Variants in ZHX2 observed in about 807,000 individuals in gnomAD.
ZHX2 encodes the protein zinc fingers and homeoboxes 2.
Under a neutral mutation model 21.9 loss-of-function variants are expected in ZHX2, and 6 were observed. The ratio of observed to expected loss-of-function variants is 0.27; its 90% CI spans 0.15 to 0.54. The LOEUF is 0.54. ZHX2 is among the 20% of genes least tolerant of loss of function. The probability of loss-of-function intolerance (pLI) is 0.95; values close to 1 mark genes in which losing one functional copy is unlikely to be tolerated. For missense variants in ZHX2, 908 were observed against 1,090.7 expected, an observed-to-expected ratio of 0.83 and a Z score of 2.36; for synonymous variants, 434 against 437.1, an observed-to-expected ratio of 0.99 and a Z score of 0.09.
chr8:122,952,094 A>G lies in ZHX2; in HGVS notation c.584A>G (p.Asp195Gly). 6.2e-7 allele frequency: 1 copy of G among 1,613,680 alleles called. No individual in the cohort carries two copies. The highest frequency in any genetic ancestry group is 1.1e-5 in the South Asian group (1 of 91,004). ...PIMKPGKPKA[D>G]AKKVPKKPEE... The stretch of plus-strand genomic sequence containing the variant: ...ATGAAGCCTGGAAAACCAAAAGCGG[A>G]TGCCAAGAAGGTGCCCAAGAAGCCC... Residue 195 changes from aspartate (D) to glycine (G), a missense_variant, in exon 3 of 4, where the codon GAT becomes GGT. This residue lies in a region of ZHX2 where 220 missense variants were observed against 251.4 expected (regional missense o/e 0.88). Transcript: ENST00000314393. The surrounding 1 kb of genome is among the most constrained non-coding windows in gnomAD (Gnocchi z 6.9).
chr8:122,870,311 G>A (rs1001671855), intron 2 of ZHX2, among the ~76,000 whole-genome samples: 4 of 152,036 alleles, frequency 2.6e-5, no homozygotes, highest in Non-Finnish European at 5.9e-5. Context: ...CCAAGGGAGT[G>A]ATATGATGCA....
Position 122,794,121 on chromosome 8 carries a change from A to T in ZHX2, c.-283+12175A>T, listed in dbSNP as rs1817575220. ...CTGAGCACCTGAGTACCCAGCTTTC[A>T]CTGGGTGGTTGCTCAATTAATAGTT... On this transcript the variant is annotated intron_variant, in intron 1 of 3. Coordinates refer to ENST00000314393, the MANE Select transcript of ZHX2 (RefSeq NM_014943.5). Among the ~76,000 whole-genome samples, 3 of 152,162 alleles carry T rather than the reference A, an allele frequency of 2.0e-5. No homozygotes were observed. In the South Asian group the frequency reaches 6.2e-4, roughly 32 times the overall value.
chr8:122,898,698 G>T (rs549366929), intron 2 of ZHX2, among the ~76,000 whole-genome samples: 1 of 152,208 alleles, frequency 6.6e-6, no homozygotes, highest in Non-Finnish European at 1.5e-5. Context: ...GACCAGAATT[G>T]CTCTAAGCAC....
chr8:122,948,877 A>G (rs1266371182), intron 2 of ZHX2, among the ~76,000 whole-genome samples: 5 of 152,264 alleles, frequency 3.3e-5, no homozygotes, highest in Admixed American at 6.5e-5. Flanking sequence ...AATGTAGATT[A>G]ATATATTTCA....
At chr8:122,868,283 G>A (rs1819345399) in intron 2 of ZHX2, among the ~76,000 whole-genome samples, 1 of 152,088 alleles carries the variant, frequency 6.6e-6, no homozygotes, top group South Asian at 2.1e-4. Context: ...TAAGAAGTTT[G>A]CAATGAAAAT....
chr8:122,916,825 A>C (rs1820615341), intron 2 of ZHX2, among the ~76,000 whole-genome samples: 2 of 149,350 alleles, frequency 1.3e-5, no homozygotes, highest in Non-Finnish European at 3.0e-5. Context: ...CTGTCTCCAC[A>C]CTCCCCACCC....
chr8:122,973,610 T>G lies in ZHX2; in HGVS notation c.*373T>G, dbSNP rs1359188733. 4 of 152,786 alleles carry G rather than the reference T, an allele frequency of 2.6e-5. No homozygotes were observed. The highest frequency in any genetic ancestry group is 5.9e-5 in the Non-Finnish European group (4 of 68,040). The allele number at this position is 152,786 out of a possible 1,614,324, so 9.5% of individuals were successfully genotyped here. ...CCAGCACTACCATTGTAAGGTTTTT[T>G]TCAGGAGGGAGGGCTAACCACCTTG... On this transcript the variant is annotated 3_prime_UTR_variant, in exon 4 of 4. Transcript: ENST00000314393.
At chr8:122,909,610 C>G (rs533786171) in intron 2 of ZHX2, among the ~76,000 whole-genome samples, 6 of 152,220 alleles carry the variant, frequency 3.9e-5, no homozygotes, top group African/African-American at 1.2e-4. Context: ...TCCTCTCCCC[C>G]CCACAACCTG....
chr8:122,913,969 C>T (rs956710614), intron 2 of ZHX2, among the ~76,000 whole-genome samples: 8 of 152,206 alleles, frequency 5.3e-5, no homozygotes, highest in South Asian at 2.1e-4. Context: ...TTCTGATCTC[C>T]ACCCCCATAG....
chr8:122,963,345 G>A (rs1813503501), intron 3 of ZHX2, among the ~76,000 whole-genome samples: 2 of 152,120 alleles, frequency 1.3e-5, no homozygotes, highest in Admixed American at 6.5e-5. Context: ...CATGAGGCTA[G>A]CCAATTATCC....
At chr8:122,913,913 A>G (rs1283187265) in intron 2 of ZHX2, among the ~76,000 whole-genome samples, 3 of 152,220 alleles carry the variant, frequency 2.0e-5, no homozygotes, top group South Asian at 4.1e-4. Context: ...AATCCATCCT[A>G]TAACAATGGC....
rs1236851090 is a variant in ZHX2 at position 122,782,704 on chromosome 8, CT to C, written c.-283+759del. Among the ~76,000 whole-genome samples the C allele has an allele frequency of 2.0e-5, 3 of 152,042 alleles. No individual in the cohort carries two copies. Among genetic ancestry groups the C allele is most frequent in the African/African-American group, 4.8e-5 (2 of 41,426 alleles). ...GAGCGCGGCGCTGTCCTCACCCCCGCTCAGGTGCAGGGGGAGTCCGCGCGGG... is the reference window on the plus strand; with the variant it reads ...GAGCGCGGCGCTGTCCTCACCCCCGCCAGGTGCAGGGGGAGTCCGCGCGGG... On this transcript the variant is annotated intron_variant, in intron 1 of 3. Coordinates refer to ENST00000314393, the MANE Select transcript of ZHX2 (RefSeq NM_014943.5). This position sits in a 1 kb window ranked among gnomAD's most constrained non-coding sequence, Gnocchi z 5.3.
At chr8:122,841,442 T>G (rs1033029402) in intron 1 of ZHX2, among the ~76,000 whole-genome samples, 1 of 151,994 alleles carries the variant, frequency 6.6e-6, no homozygotes, top group Admixed American at 6.5e-5. Context: ...GTGCCAGACA[T>G]TTTGGGGTTG....
chr8:122,942,594 C>T (rs1812873990), intron 2 of ZHX2, among the ~76,000 whole-genome samples: 1 of 152,124 alleles, frequency 6.6e-6, no homozygotes, highest in African/African-American at 2.4e-5. Context: ...GGCCTCTGAA[C>T]CCCCGAGGGC....
chr8:122,820,444 C>T (rs1376446396), intron 1 of ZHX2, among the ~76,000 whole-genome samples: 3 of 152,300 alleles, frequency 2.0e-5, no homozygotes, highest in Admixed American at 6.5e-5. Context: ...TGAACGCCGC[C>T]GAATTATAAA....
intron 3 of ZHX2, among the ~76,000 whole-genome samples, chr8:122,971,621 A>ATAAAAAAT (rs1263184576): frequency 1.4e-5 from 2 of 139,782 alleles, no homozygotes. Flanking sequence ...CAAAAAAAAA[A>ATAAAAAAT]AAAAAAAAAA....
chr8:122,783,685 G>A (rs566261297), intron 1 of ZHX2, among the ~76,000 whole-genome samples: 2 of 152,130 alleles, frequency 1.3e-5, no homozygotes, highest in East Asian at 3.9e-4. Flanking sequence ...ACGACCAAGT[G>A]GAATAAATAT....
chr8:122,845,419 T>TG (rs1184882948), intron 1 of ZHX2, among the ~76,000 whole-genome samples: 1 of 152,266 alleles, frequency 6.6e-6, no homozygotes, highest in African/African-American at 2.4e-5. Context: ...ATTAAAATTC[T>TG]GGTTTTCTAC....
rs1162831771 is a variant in ZHX2 at position 122,875,095 on chromosome 8, T to C, written c.-220+11556T>C. Among the ~76,000 whole-genome samples, 11 of 143,412 alleles carry C rather than the reference T, an allele frequency of 7.7e-5. 1 individual carries two copies. Among genetic ancestry groups the C allele is most frequent in the Non-Finnish European group, 1.5e-5 (1 of 66,056 alleles). 94.1% of individuals were successfully genotyped at this position (143,412 alleles called of 152,430 possible). A position where few individuals can be genotyped will look rare whatever the true frequency, so the allele number is the denominator to read the frequency against. On this transcript the variant is annotated intron_variant, in intron 2 of 3. Coordinates refer to ENST00000314393, the MANE Select transcript of ZHX2 (RefSeq NM_014943.5). ...TCCAGATTTCTCTTTTTTATGCTTG[T>C]CTTCAACCTGCTTTTAGAGGAAGGA...
Sources: allele counts gnomAD v4.1 joint callset (sites outside exome capture counted in the v4.1 genomes callset), GRCh38; gene constraint gnomAD v4.1.1; regional missense constraint gnomAD v4.1.1; non-coding constraint Gnocchi (gnomAD v3.1); transcripts MANE v1.5; gene names NCBI Gene and HGNC (gene_info 2026-07-23, HGNC 2026-07-21).